Variants in UNC13C observed in about 807,000 individuals in gnomAD.
UNC13C encodes the protein protein unc-13 homolog C.
In UNC13C, 174 loss-of-function variants were observed where a neutral mutation model predicts 245.4. That is an observed-to-expected ratio of 0.71 (90% CI 0.63 to 0.80). UNC13C has a LOEUF of 0.80. Among genes scored for constraint, UNC13C ranks in the 30% least tolerant of loss-of-function variants. The pLI, the probability that UNC13C is intolerant of heterozygous loss-of-function variation, is 0.00. For missense variants in UNC13C, 2,829 were observed against 2,602.9 expected, an observed-to-expected ratio of 1.09 and a Z score of -1.89; for synonymous variants, 992 against 895.1, an observed-to-expected ratio of 1.11 and a Z score of -1.93.
At chr15:54,238,574 T>C (rs2035769254) in intron 7 of UNC13C, among the ~76,000 whole-genome samples, 1 of 152,226 alleles carries the variant, frequency 6.6e-6, no homozygotes, top group South Asian at 2.1e-4. Flanking sequence ...ATGCTTAACA[T>C]TCAGCATAGC....
chr15:54,470,856 T>C (rs1892426688), intron 19 of UNC13C, among the ~76,000 whole-genome samples: 1 of 151,382 alleles, frequency 6.6e-6, no homozygotes, highest in African/African-American at 2.4e-5. Flanking sequence ...TAGATCTTTC[T>C]TCTTTTTTAA....
intron 7 of UNC13C, among the ~76,000 whole-genome samples, chr15:54,242,323 A>G (rs1302280268): frequency 1.3e-5 from 2 of 152,192 alleles, no homozygotes; most frequent in Non-Finnish European, 2.9e-5. Context: ...AACTTATTTA[A>G]TATAGTGATT....
rs2032090091 is a variant in UNC13C, at chr15:54,142,936, T to C, written c.2984-82T>C. Reference sequence around the variant, plus strand: ...TTTAAACAATGTAACATATTAACACTCTGTTCATGTATATGTTTAAACAAT... The same window carrying C: ...TTTAAACAATGTAACATATTAACACCCTGTTCATGTATATGTTTAAACAAT... On this transcript the variant is annotated intron_variant, in intron 2 of 32. Coordinates refer to ENST00000260323, the MANE Select transcript of UNC13C (RefSeq NM_001080534.3). 3 of 1,176,678 alleles carry C rather than the reference T, an allele frequency of 2.5e-6. No individual in the cohort carries two copies. The East Asian group carries it at 7.0e-5, about 27-fold the overall frequency. 72.9% of individuals were successfully genotyped at this position (1,176,678 alleles called of 1,614,324 possible). A position where few individuals can be genotyped will look rare whatever the true frequency, so the allele number is the denominator to read the frequency against.
At chr15:54,192,386 G>T (rs1240064771) in intron 4 of UNC13C, among the ~76,000 whole-genome samples, 4 of 151,976 alleles carry the variant, frequency 2.6e-5, no homozygotes, top group Admixed American at 2.6e-4. Context: ...AAGGAGCATT[G>T]CAGGCAAGGA....
At chr15:54,272,470 A>C (rs909232818) in intron 10 of UNC13C, among the ~76,000 whole-genome samples, 2 of 152,222 alleles carry the variant, frequency 1.3e-5, no homozygotes, top group Admixed American at 6.5e-5. Context: ...TTCCTAGGCT[A>C]TGTGGGAAGG....
intron 17 of UNC13C, among the ~76,000 whole-genome samples, chr15:54,342,390 C>G (rs116639655): frequency 0.016 from 2,372 of 152,092 alleles, 71 homozygotes; most frequent in African/African-American, 0.055. Flanking sequence ...CATAGCAAGA[C>G]CCTATCTCTA....
chr15:54,615,412 T>C (rs1297362804), intron 30 of UNC13C, among the ~76,000 whole-genome samples: 1 of 151,968 alleles, frequency 6.6e-6, no homozygotes, highest in African/African-American at 2.4e-5. Flanking sequence ...TTGGCTCCCA[T>C]TACTATATTT....
At chr15:53,945,258 T>C in the UNC13C span, among the ~76,000 whole-genome samples, 5 of 152,220 alleles carry the variant, frequency 3.3e-5, 1 homozygote, top group East Asian at 3.9e-4. Flanking sequence ...TTAGATCCCA[T>C]TTGTCAACTT....
Position 54,250,351 on chromosome 15 carries a change from TGGGG to T in UNC13C, c.3356_3359del (p.Trp1119SerfsTer7). ...CTGTTATGAGTGTGAAGGGCTCCTG[TGGGG>T]CATTGCAAGGCAAGGCATGAAGTGT... On this transcript the variant is annotated frameshift_variant, in exon 8 of 33. Transcript: ENST00000260323. LOFTEE classifies it high-confidence loss of function. 1 of 1,613,738 alleles carries T rather than the reference TGGGG, an allele frequency of 6.2e-7. No homozygotes were observed. The highest frequency in any genetic ancestry group is 1.7e-5 in the Admixed American group (1 of 59,992).
At chr15:54,054,433 A>C (rs1042635925) in intron 2 of UNC13C, among the ~76,000 whole-genome samples, 3 of 152,146 alleles carry the variant, frequency 2.0e-5, no homozygotes, top group Non-Finnish European at 4.4e-5. Flanking sequence ...TTAAATTGTC[A>C]CAGGATGATT....
chr15:54,621,379 A>G (rs1280059437), intron 30 of UNC13C, among the ~76,000 whole-genome samples: 2 of 152,216 alleles, frequency 1.3e-5, no homozygotes, highest in African/African-American at 4.8e-5. Context: ...ATTATAGTTT[A>G]TAATAGCAAG....
chr15:54,560,273 T>C (rs1027057832), intron 29 of UNC13C, among the ~76,000 whole-genome samples: 6 of 151,834 alleles, frequency 4.0e-5, no homozygotes, highest in Non-Finnish European at 7.4e-5. Flanking sequence ...AAGGAAACAA[T>C]AGCATGTTCC....
intron 2 of UNC13C, among the ~76,000 whole-genome samples, chr15:54,034,910 T>C (rs1252257362): frequency 6.6e-6 from 1 of 152,180 alleles, no homozygotes; most frequent in African/African-American, 2.4e-5. Flanking sequence ...ACCCAGTTTA[T>C]CTAATCCTTT....
chr15:54,138,450 C>T (rs2031844080), intron 2 of UNC13C, among the ~76,000 whole-genome samples: 1 of 151,880 alleles, frequency 6.6e-6, no homozygotes, highest in African/African-American at 2.4e-5. Context: ...TTTACATAGT[C>T]ACCTTATAAC....
chr15:54,490,274 G>A (rs1387103377), intron 19 of UNC13C, among the ~76,000 whole-genome samples: 1 of 152,164 alleles, frequency 6.6e-6, no homozygotes, highest in African/African-American at 2.4e-5. Context: ...TAATTCTTTA[G>A]AAAGATTTAG....
At chr15:53,838,251 AC>A in the UNC13C span, among the ~76,000 whole-genome samples, 2 of 152,046 alleles carry the variant, frequency 1.3e-5, no homozygotes, top group Non-Finnish European at 2.9e-5. Context: ...CTTTATACAA[AC>A]TTTATAATTT....
chr15:53,968,764 C>G, the UNC13C span, among the ~76,000 whole-genome samples: 1 of 152,148 alleles, frequency 6.6e-6, no homozygotes, highest in Non-Finnish European at 1.5e-5. Flanking sequence ...AGCTGATGGC[C>G]AGCAAACTGG....
chr15:54,154,568 A>C (rs2141255888), intron 4 of UNC13C, among the ~76,000 whole-genome samples: 1 of 152,308 alleles, frequency 6.6e-6, no homozygotes, highest in South Asian at 2.1e-4. Context: ...CAGTATATTA[A>C]TTAAATAAAA....
intron 4 of UNC13C, among the ~76,000 whole-genome samples, chr15:54,218,414 G>A (rs947104024): frequency 2.0e-5 from 3 of 151,946 alleles, no homozygotes; most frequent in African/African-American, 7.2e-5. Flanking sequence ...TGTCTTACTT[G>A]AATGGTAAGT....
Sources: gnomAD v4.1 joint callset for allele counts (sites outside exome capture counted in the v4.1 genomes callset) on GRCh38, gnomAD v4.1.1 for gene constraint, MANE v1.5 for transcripts, NCBI Gene and HGNC (gene_info 2026-07-23, HGNC 2026-07-21) for gene names.